The following MYCBP2 variants were observed in gnomAD, a reference collection of about 807,000 sequenced individuals.
The protein encoded by MYCBP2 is MYC binding protein 2, also known as E3 ubiquitin-protein ligase MYCBP2.
A neutral mutation model predicts 525.3 loss-of-function variants in MYCBP2; 120 were observed. That is an observed-to-expected ratio of 0.23 (90% CI 0.20 to 0.27). The LOEUF is 0.27. Among genes scored for constraint, MYCBP2 ranks in the 10% least tolerant of loss-of-function variants. The probability of loss-of-function intolerance (pLI) is 1.00; values close to 1 mark genes in which losing one functional copy is unlikely to be tolerated. For missense variants in MYCBP2, 4,149 were observed against 5,657.1 expected, an observed-to-expected ratio of 0.73 and a Z score of 8.55; for synonymous variants, 1,894 against 1,955.8, an observed-to-expected ratio of 0.97 and a Z score of 0.83.
intron 49 of MYCBP2, among the ~76,000 whole-genome samples, chr13:77,142,694 A>G (rs2054880492): frequency 6.6e-6 from 1 of 152,194 alleles, no homozygotes; most frequent in East Asian, 1.9e-4. Context: ...GTTAATGTAG[A>G]TTGTGTGAAT....
chr13:77,147,955 T>C (rs1017713235), intron 47 of MYCBP2, among the ~76,000 whole-genome samples: 1 of 152,096 alleles, frequency 6.6e-6, no homozygotes, highest in Non-Finnish European at 1.5e-5. Context: ...CCTAGGCTAC[T>C]CAGAACATGT....
At chr13:77,151,413 T>C (rs978215105) in intron 46 of MYCBP2, among the ~76,000 whole-genome samples, 3 of 152,188 alleles carry the variant, frequency 2.0e-5, no homozygotes, top group Admixed American at 1.3e-4. Flanking sequence ...TTTCAAAAAT[T>C]AACACTTAAT....
rs767740568 is a variant in MYCBP2 at position 77,211,208 on chromosome 13, T to C, written c.3375A>G (p.Gly1125=). 1.3e-5 allele frequency: 20 copies of C among 1,524,998 alleles called. No homozygotes were observed. The highest frequency in any genetic ancestry group is 1.7e-5 in the Non-Finnish European group (19 of 1,133,258). 94.5% of individuals were successfully genotyped at this position (1,524,998 alleles called of 1,614,324 possible). A position where few individuals can be genotyped will look rare whatever the true frequency, so the allele number is the denominator to read the frequency against. ...ATACAGGATCAAGACACACACCAAA[T>C]CCTTGCAGATCCTCTTGTTCTGAGT... ...FNDSEQEDLQ[G]FGVCLDPVYD... Residue 1125 remains glycine, a synonymous_variant, in exon 23 of 83, where the codon GGA becomes GGG. Transcript: ENST00000544440.
In MYCBP2 at chr13:77,326,742, C is replaced by A; in HGVS notation, c.34G>T (p.Ala12Ser). The change falls in exon 1 of 83, where the codon GCC becomes TCC. Residue 12 changes from alanine (A) to serine (S), a missense_variant. By Grantham distance (99) the Ala-to-Ser change is moderately conservative. Transcript: ENST00000544440. The surrounding 1 kb of genome is among the most constrained non-coding windows in gnomAD (Gnocchi z 4.2). ...TCCCCGCCGAGCCCCGAGGAGGCGGCGGCGGGGGAGGCAGTCGCTGCGCAC... is the reference window on the plus strand; with the variant it reads ...TCCCCGCCGAGCCCCGAGGAGGCGGAGGCGGGGGAGGCAGTCGCTGCGCAC... ...MMCAATASPA[A>S]ASSGLGGDGF... The A allele has an allele frequency of 7.1e-7, 1 of 1,409,422 alleles. No individual in the cohort carries two copies. Among genetic ancestry groups the A allele is most frequent in the South Asian group, 1.5e-5 (1 of 65,922 alleles). The allele number at this position is 1,409,422 out of a possible 1,614,324, so 87.3% of individuals were successfully genotyped here. A position where few individuals can be genotyped will look rare whatever the true frequency, so the allele number is the denominator to read the frequency against.
intron 1 of MYCBP2, among the ~76,000 whole-genome samples, chr13:77,315,880 G>A (rs2080873153): frequency 7.7e-6 from 1 of 129,918 alleles, no homozygotes; most frequent in African/African-American, 3.0e-5. Flanking sequence ...GGGCAACAGA[G>A]CAAGGCTCTG....
intron 45 of MYCBP2, among the ~76,000 whole-genome samples, chr13:77,157,481 C>T (rs1413446036): frequency 6.6e-6 from 1 of 152,196 alleles, no homozygotes; most frequent in Non-Finnish European, 1.5e-5. Context: ...ACCTCAGCCT[C>T]CTAAAGTGCT....
At chr13:77,194,282 G>C in intron 26 of MYCBP2, 38 bp from the exon 27 acceptor site, 1 of 1,419,638 alleles carries the variant, frequency 7.0e-7, no homozygotes, top group Non-Finnish European at 1.0e-6. Flanking sequence ...ATATAAATCA[G>C]CTATACATAT....
At chr13:77,159,482 T>C (rs2154204392) in intron 44 of MYCBP2, among the ~76,000 whole-genome samples, 1 of 152,168 alleles carries the variant, frequency 6.6e-6, no homozygotes, top group South Asian at 2.1e-4. Context: ...ATAAACCATA[T>C]ATGAACTCTG....
In MYCBP2 at chr13:77,121,449, A is replaced by T. The variant is rs930996240; in HGVS notation, c.8064T>A (p.Pro2688=). The T allele has an allele frequency of 2.5e-5, 40 of 1,587,170 alleles. No homozygotes were observed. Among genetic ancestry groups the T allele is most frequent in the Non-Finnish European group, 3.4e-5 (39 of 1,162,264 alleles). The change falls in exon 55 of 83, where the codon CCT becomes CCA. Residue 2688 remains proline, a synonymous_variant. Coordinates refer to ENST00000544440, the MANE Select transcript of MYCBP2 (RefSeq NM_015057.5). ...DQNSQTPPPS[P]FSVQAFNKGA... ...CTTTATTAAAAGCTTGCACTGAGAA[A>T]GGGCTTGGAGGAGGAGTTTGAGAAT...
intron 49 of MYCBP2, among the ~76,000 whole-genome samples, chr13:77,141,889 G>C (rs1269420751): frequency 6.6e-6 from 1 of 151,978 alleles, no homozygotes; most frequent in East Asian, 1.9e-4. Flanking sequence ...CTTGTCTATG[G>C]TCAAGCAAGG....
At chr13:77,166,968 CACACACAT>C (rs376030235) in intron 40 of MYCBP2, among the ~76,000 whole-genome samples, 1,633 of 79,462 alleles carry the variant, frequency 0.021, 25 homozygotes, top group South Asian at 0.043. Flanking sequence ...AAAGACAAAA[CACACACAT>C]ACACACACAC....
In MYCBP2 at chr13:77,243,970, A is replaced by AC. The variant is rs1399218341; in HGVS notation, c.2382-20_2382-19insG. ...ACAGATCCTAGGGGGAAATACAAAA[A>AC]AAAAAAAAAAAGACAACTGAGATAT... On this transcript the variant is annotated intron_variant, in intron 15 of 82. Transcript: ENST00000544440. The AC allele has an allele frequency of 6.7e-7, 1 of 1,499,804 alleles. No individual in the cohort carries two copies. The highest frequency in any genetic ancestry group is 8.9e-7 in the Non-Finnish European group (1 of 1,123,284). 92.9% of individuals were successfully genotyped at this position (1,499,804 alleles called of 1,614,324 possible).
chr13:77,129,460 C>T (rs2052344875), intron 52 of MYCBP2: 2 of 322,534 alleles, frequency 6.2e-6, no homozygotes, highest in South Asian at 1.6e-4. Context: ...GTGTGTCATG[C>T]CATTTACTAA....
intron 82 of MYCBP2, among the ~76,000 whole-genome samples, chr13:77,047,137 T>A (rs1227336842): frequency 6.6e-6 from 1 of 152,180 alleles, no homozygotes; most frequent in African/African-American, 2.4e-5. Flanking sequence ...GTGTTCACAA[T>A]CCAACATGGT....
At chr13:77,257,023 T>C (rs927210436) in intron 14 of MYCBP2, among the ~76,000 whole-genome samples, 31 of 152,060 alleles carry the variant, frequency 2.0e-4, no homozygotes, top group African/African-American at 5.8e-4. Context: ...AAATGTGGCA[T>C]ATAAACACAA....
intron 38 of MYCBP2, among the ~76,000 whole-genome samples, chr13:77,170,743 A>T (rs2059054906): frequency 6.6e-6 from 1 of 151,828 alleles, no homozygotes; most frequent in Middle Eastern, 3.2e-3. Flanking sequence ...CGCCTGGCTA[A>T]TTTTTTTATT....
chr13:77,097,242 T>A, intron 56 of MYCBP2, 128 bp downstream of exon 56: 1 of 1,317,882 alleles, frequency 7.6e-7, no homozygotes, highest in South Asian at 1.6e-5. Context: ...TAATGTACTT[T>A]AAAAATGACA....
intron 32 of MYCBP2, among the ~76,000 whole-genome samples, chr13:77,183,035 C>CT (rs1310363934): frequency 1.3e-5 from 2 of 152,124 alleles, no homozygotes; most frequent in East Asian, 1.9e-4. Context: ...AATTTGCCTT[C>CT]TTTTTTCAGT....
chr13:77,058,589 G>GTT lies in MYCBP2; in HGVS notation c.13141-185_13141-184dup, dbSNP rs879572640. Among the ~76,000 whole-genome samples, 1 of 145,410 alleles carries GTT rather than the reference G, an allele frequency of 6.9e-6. No homozygotes were observed. ...AATATAAATTAGGCTTCTTAACAAA[G>GTT]TTTTTTTTTTTTGATGCGATTTTTA... is the stretch of plus-strand genomic sequence containing the variant. On this transcript the variant is annotated intron_variant, in intron 77 of 82. Coordinates refer to ENST00000544440, the MANE Select transcript of MYCBP2 (RefSeq NM_015057.5). This position sits in a 1 kb window ranked among gnomAD's most constrained non-coding sequence, Gnocchi z 4.1.
Sources: allele counts gnomAD v4.1 joint callset (sites outside exome capture counted in the v4.1 genomes callset), GRCh38; gene constraint gnomAD v4.1.1; non-coding constraint Gnocchi (gnomAD v3.1); transcripts MANE v1.5; gene names NCBI Gene and HGNC (gene_info 2026-07-23, HGNC 2026-07-21).